DHX34: variants seen among roughly 807,000 people sequenced by gnomAD.
DHX34 encodes probable ATP-dependent RNA helicase DHX34.
In DHX34, 96 loss-of-function variants were observed where a neutral mutation model predicts 111.1. The observed-to-expected ratio is 0.86, with a 90% CI of 0.73 to 1.02. The LOEUF (loss-of-function observed/expected upper bound fraction) is 1.02, where lower values mean the gene tolerates loss of function less well. DHX34 is among the 50% of genes least tolerant of loss of function. The pLI is 0.00. For missense variants in DHX34, 1,560 were observed against 1,579.9 expected, an observed-to-expected ratio of 0.99 and a Z score of 0.21; for synonymous variants, 688 against 670.4, an observed-to-expected ratio of 1.03 and a Z score of -0.41.
rs1476622981 is a variant in DHX34, at chr19:47,382,310, G to A, written c.*197G>A. On this transcript the variant is annotated 3_prime_UTR_variant, in exon 17 of 17. Transcript: ENST00000328771. ...TGTTAGGCCTGCACCTGCCCATCCA[G>A]AAAGCAGCAGCTGCCTTGTTAGTCC... The A allele has an allele frequency of 2.0e-6, 2 of 993,176 alleles. No homozygotes were observed. Among genetic ancestry groups the A allele is most frequent in the Non-Finnish European group, 2.8e-6 (2 of 712,738 alleles). 61.5% of individuals were successfully genotyped at this position (993,176 alleles called of 1,614,324 possible).
rs886805286 is a variant in DHX34 at position 47,377,152 on chromosome 19, G to A, written c.2652G>A (p.Leu884=). 3.1e-6 allele frequency: 5 copies of A among 1,613,954 alleles called. No homozygotes were observed. In the Admixed American group the frequency reaches 5.0e-5, roughly 16 times the overall value. The change falls in exon 13 of 17, where the codon CTG becomes CTA. Residue 884 remains leucine, a synonymous_variant. Transcript: ENST00000328771. ...ACCAGCTCCTCAGCTTCGTGTCCCT[G>A]CTGGAGACCAACAAGCCGTACCTGG... ...SKHQLLSFVS[L]LETNKPYLVN...
chr19:47,379,929 AG>A lies in DHX34; in HGVS notation c.2927del (p.Ser976ThrfsTer8), dbSNP rs1970300758. ...GGAGGAGGAGGAGGATACGCCAGTC[AG>A]CCCCAAGGAGGTGGCCACCCTGAGC... is the stretch of plus-strand genomic sequence containing the variant. ...LEEEEEDTPV[S>X]PKEVATLSKE... On this transcript the variant is annotated frameshift_variant, in exon 14 of 17. Coordinates refer to ENST00000328771, the MANE Select transcript of DHX34 (RefSeq NM_014681.6). LOFTEE classifies it high-confidence loss of function. 6.2e-7 allele frequency: 1 copy of A among 1,606,852 alleles called. No individual in the cohort carries two copies. Among genetic ancestry groups the A allele is most frequent in the Non-Finnish European group, 8.5e-7 (1 of 1,174,208 alleles).
At chr19:47,378,220 CA>C (rs1970231835) in intron 13 of DHX34, among the ~76,000 whole-genome samples, 1 of 152,146 alleles carries the variant, frequency 6.6e-6, no homozygotes, top group Admixed American at 6.5e-5. Context: ...ACCAACACCA[CA>C]AAAGCCAGCT....
chr19:47,355,368 C>A lies in DHX34; in HGVS notation c.1017+18C>A. On this transcript the variant is annotated intron_variant, in intron 3 of 16. Coordinates refer to ENST00000328771, the MANE Select transcript of DHX34 (RefSeq NM_014681.6). The stretch of plus-strand genomic sequence containing the variant: ...CCATCACGGTGAGTACTTCCCCCTC[C>A]TCCCACATCCCCAGACCTCCAACCT... 6.2e-7 allele frequency: 1 copy of A among 1,604,142 alleles called. No individual in the cohort carries two copies. Among genetic ancestry groups the A allele is most frequent in the African/African-American group, 1.3e-5 (1 of 74,910 alleles).
intron 6 of DHX34, among the ~76,000 whole-genome samples, chr19:47,364,546 A>C (rs1969733070): frequency 1.3e-5 from 2 of 152,004 alleles, no homozygotes; most frequent in Non-Finnish European, 2.9e-5. Flanking sequence ...AGTCGAGACC[A>C]GCCTAGGCAA....
At chr19:47,375,843 T>G in intron 10 of DHX34, 81 bp from the exon 11 acceptor site, 1 of 1,541,470 alleles carries the variant, frequency 6.5e-7, no homozygotes, top group Non-Finnish European at 8.7e-7. Flanking sequence ...GTCCCAGGTA[T>G]CTGCAGAGCC....
rs1277404305 is a variant in DHX34, at chr19:47,382,586, G to A, written c.*473G>A. 1 of 157,412 alleles carries A rather than the reference G, an allele frequency of 6.4e-6. No individual in the cohort carries two copies. Among genetic ancestry groups the A allele is most frequent in the African/African-American group, 2.4e-5 (1 of 41,494 alleles). The allele number at this position is 157,412 out of a possible 1,614,324, so 9.8% of individuals were successfully genotyped here. On this transcript the variant is annotated 3_prime_UTR_variant, in exon 17 of 17. Transcript: ENST00000328771. ...GTGCAGGGGGGCTGGGAGCACTGGTGTTCACGTGGGACCACAGGCTGCACC... is the reference window on the plus strand; with the variant it reads ...GTGCAGGGGGGCTGGGAGCACTGGTATTCACGTGGGACCACAGGCTGCACC...
intron 16 of DHX34, chr19:47,381,586 T>C: frequency 3.4e-6 from 2 of 596,272 alleles, no homozygotes; most frequent in Non-Finnish European, 5.8e-6. Context: ...TCTGTCTCTC[T>C]GTGGCTATGT....
At chr19:47,362,289 AAG>A in intron 5 of DHX34, 185 bp from the exon 6 acceptor site, 10 of 809,402 alleles carry the variant, frequency 1.2e-5, no homozygotes, top group Non-Finnish European at 1.5e-5. Flanking sequence ...AAAAAAAAAA[AAG>A]ATGTGTGAGG....
chr19:47,375,553 C>A lies in DHX34; in HGVS notation c.2152C>A (p.Arg718Ser). The change falls in exon 10 of 17, where the codon CGC (arginine) becomes AGC (serine). Residue 718 changes from arginine to serine, a missense_variant. Physicochemically the swap from Arg to Ser is moderately radical, Grantham distance 110 (BLOSUM62 -1). Coordinates refer to ENST00000328771, the MANE Select transcript of DHX34 (RefSeq NM_014681.6). ...SYSRLQQRRE[R>S]RALHQLKRQH... The stretch of plus-strand genomic sequence containing the variant: ...CAGTCGGTTGCAGCAGCGCCGGGAG[C>A]GCCGGGCCCTGCACCAGCTGAAACG... The A allele has an allele frequency of 6.4e-7, 1 of 1,550,684 alleles. No homozygotes were observed. Among genetic ancestry groups the A allele is most frequent in the East Asian group, 2.4e-5 (1 of 41,678 alleles).
chr19:47,362,853 C>T (rs888884335), intron 6 of DHX34, among the ~76,000 whole-genome samples, 160 bp downstream of exon 6: 2 of 152,254 alleles, frequency 1.3e-5, no homozygotes, highest in Non-Finnish European at 1.5e-5. Flanking sequence ...TCACTGCAGC[C>T]TCCATATTAC....
chr19:47,369,512 G>A (rs1969902222), intron 7 of DHX34, among the ~76,000 whole-genome samples: 1 of 152,162 alleles, frequency 6.6e-6, no homozygotes, highest in Non-Finnish European at 1.5e-5. Context: ...ATACAACAGT[G>A]AATAAAACAA....
intron 2 of DHX34, 57 bp from the exon 3 acceptor site, chr19:47,354,982 A>G: frequency 6.3e-7 from 1 of 1,587,396 alleles, no homozygotes; most frequent in South Asian, 1.1e-5. Context: ...GGGCAGGGCC[A>G]GGGGCTGGTA....
In DHX34 at chr19:47,362,594, A is replaced by C. The variant is rs1417702941; in HGVS notation, c.1494A>C (p.Gly498=). Residue 498 remains glycine, a synonymous_variant, in exon 6 of 17, where the codon GGA becomes GGC. Coordinates refer to ENST00000328771, the MANE Select transcript of DHX34 (RefSeq NM_014681.6). ...RKGRAGRTGP[G]VCFRLYAESD... Reference sequence around the variant, plus strand: ...GCCGGGCGGGCCGCACGGGCCCCGGAGTCTGCTTCCGCCTCTATGCCGAAT... The same window carrying C: ...GCCGGGCGGGCCGCACGGGCCCCGGCGTCTGCTTCCGCCTCTATGCCGAAT... The C allele has an allele frequency of 6.2e-7, 1 of 1,613,710 alleles. No homozygotes were observed. Among genetic ancestry groups the C allele is most frequent in the East Asian group, 2.2e-5 (1 of 44,848 alleles).
chr19:47,380,404 G>T (rs933344922), intron 14 of DHX34, among the ~76,000 whole-genome samples: 1 of 152,016 alleles, frequency 6.6e-6, no homozygotes, highest in East Asian at 1.9e-4. Flanking sequence ...TCATGTGGGT[G>T]GGGTGGGGAG....
Position 47,376,105 on chromosome 19 carries a change from C to T in DHX34, c.2481+8C>T, listed in dbSNP as rs754440324. 1.9e-6 allele frequency: 3 copies of T among 1,541,340 alleles called. No individual in the cohort carries two copies. The East Asian group carries it at 6.8e-5, about 35-fold the overall frequency. ...CGAAAGGACTCAGACCAGGTGGGGC[C>T]TGTTCTGCCCCATCCTATGTTTTGT... On this transcript the variant is annotated splice_region_variant and intron_variant, in intron 11 of 16. Coordinates refer to ENST00000328771, the MANE Select transcript of DHX34 (RefSeq NM_014681.6).
Position 47,375,031 on chromosome 19 carries a change from G to A in DHX34, c.2065-435G>A, listed in dbSNP as rs551081452. The stretch of plus-strand genomic sequence containing the variant: ...TTGGGTCCAGATGGCCAACCCCGCC[G>A]AGCCCCCTCCTCTCTCCACTTGGTC... On this transcript the variant is annotated intron_variant, in intron 9 of 16. Transcript: ENST00000328771. Among the ~76,000 whole-genome samples the A allele has an allele frequency of 1.5e-3, 229 of 152,284 alleles. 1 individual carries two copies. The highest frequency in any genetic ancestry group is 5.2e-3 in the African/African-American group (215 of 41,564).
intron 1 of DHX34, among the ~76,000 whole-genome samples, chr19:47,350,042 AGT>A (rs1316312963): frequency 1.3e-5 from 2 of 152,024 alleles, no homozygotes; most frequent in Non-Finnish European, 2.9e-5. Flanking sequence ...TCGTGAGAAA[AGT>A]GTGTGTGTGT....
chr19:47,355,851 C>CA (rs1028340193), intron 3 of DHX34, among the ~76,000 whole-genome samples: 246 of 130,290 alleles, frequency 1.9e-3, no homozygotes, highest in Admixed American at 4.2e-3. Context: ...GACTTTGTCT[C>CA]AAAAAAAAAA....
Sources: allele counts gnomAD v4.1 joint callset (sites outside exome capture counted in the v4.1 genomes callset), GRCh38; gene constraint gnomAD v4.1.1; transcripts MANE v1.5; gene names NCBI Gene and HGNC (gene_info 2026-07-23, HGNC 2026-07-21).